CCDC201: variants seen among roughly 807,000 people sequenced by gnomAD.
CCDC201 encodes the protein coiled-coil domain-containing protein 201.
intron 1 of CCDC201, among the ~76,000 whole-genome samples, chr7:45,871,582 C>T (rs561542470): frequency 1.3e-5 from 2 of 152,148 alleles, no homozygotes; most frequent in East Asian, 3.9e-4. Context: ...AGCTAGACTA[C>T]ATATAAACTT....
At chr7:45,874,557 C>T (rs73694857), upstream of CCDC201, among the ~76,000 whole-genome samples, 190 of 152,344 alleles carry the variant, frequency 1.2e-3, 1 homozygote, top group African/African-American at 4.3e-3. Context: ...GTGTACAGCA[C>T]GCAGAGCTGA....
At chr7:45,872,032 A>G (rs756235181) in intron 1 of CCDC201, among the ~76,000 whole-genome samples, 13 of 152,192 alleles carry the variant, frequency 8.5e-5, no homozygotes, top group Non-Finnish European at 1.5e-4. Context: ...GAGTTACTCT[A>G]TAGAAGGATA....
intron 2 of CCDC201, among the ~76,000 whole-genome samples, chr7:45,863,448 C>CAAAAAGTTCCAGGGAAGGGGCAG (rs1786627344): frequency 6.6e-6 from 1 of 152,048 alleles, no homozygotes; most frequent in Non-Finnish European, 1.5e-5. Flanking sequence ...GGGACAGGGA[C>CAAAAAGTTCCAGGGAAGGGGCAG]AAAAAGTTCC....
chr7:45,876,410 C>T (rs953686045), upstream of CCDC201, among the ~76,000 whole-genome samples: 2 of 152,198 alleles, frequency 1.3e-5, no homozygotes, highest in Non-Finnish European at 2.9e-5. Context: ...AGCTATCAGG[C>T]TACTTGCCCA....
chr7:45,877,345 C>T (rs1426555338), upstream of CCDC201, among the ~76,000 whole-genome samples: 3 of 152,168 alleles, frequency 2.0e-5, no homozygotes, highest in African/African-American at 7.2e-5. Flanking sequence ...TTTCTTTTGA[C>T]CCCAGGATGT....
the CCDC201 span, among the ~76,000 whole-genome samples, chr7:45,881,313 T>A: frequency 6.6e-6 from 1 of 152,198 alleles, no homozygotes; most frequent in Non-Finnish European, 1.5e-5. Context: ...TGCCTCTTTG[T>A]TTCTTCCCTC....
exon 2 of CCDC201, chr7:45,866,160 C>T (rs527932108): frequency 7.1e-5 from 14 of 197,388 alleles, no homozygotes; most frequent in East Asian, 6.6e-4. Context: ...CTGCTGCTGC[C>T]GCTGCCGCTG....
exon 3 of CCDC201, chr7:45,861,190 A>T (rs1238020374): frequency 6.6e-6 from 1 of 152,226 alleles, no homozygotes; most frequent in Non-Finnish European, 1.5e-5. Context: ...AGTTCTCATG[A>T]AAACAGTTTA....
chr7:45,867,907 A>T (rs963718544), intron 1 of CCDC201, among the ~76,000 whole-genome samples: 12 of 152,274 alleles, frequency 7.9e-5, no homozygotes, highest in Admixed American at 5.2e-4. Context: ...AGTTTCTCTT[A>T]GAACAAAGAG....
chr7:45,861,905 A>C (rs1307832833), exon 3 of CCDC201: 1 of 152,212 alleles, frequency 6.6e-6, no homozygotes, highest in Non-Finnish European at 1.5e-5. Flanking sequence ...TATATGAATA[A>C]ACTCTAGCTC....
At chr7:45,878,282 A>G in the CCDC201 span, among the ~76,000 whole-genome samples, 1 of 152,208 alleles carries the variant, frequency 6.6e-6, no homozygotes, top group African/African-American at 2.4e-5. Flanking sequence ...AGTCTGGAGA[A>G]TGGTGACCCT....
At chr7:45,881,948 C>T in the CCDC201 span, among the ~76,000 whole-genome samples, 1 of 152,114 alleles carries the variant, frequency 6.6e-6, no homozygotes, top group Non-Finnish European at 1.5e-5. Flanking sequence ...ATCAGTTTGC[C>T]AAGCAGTGTC....
At chr7:45,881,108 A>G in the CCDC201 span, among the ~76,000 whole-genome samples, 2 of 152,190 alleles carry the variant, frequency 1.3e-5, no homozygotes, top group Non-Finnish European at 2.9e-5. Flanking sequence ...CCTGAAGCCC[A>G]TGCATGGTCC....
At chr7:45,868,635 T>C (rs377243794) in intron 1 of CCDC201, among the ~76,000 whole-genome samples, 94 of 152,186 alleles carry the variant, frequency 6.2e-4, no homozygotes, top group African/African-American at 2.2e-3. Flanking sequence ...GGACAAAGAA[T>C]GGAAAGAGTC....
chr7:45,863,918 G>A (rs1459571967), intron 2 of CCDC201, among the ~76,000 whole-genome samples: 2 of 152,168 alleles, frequency 1.3e-5, no homozygotes, highest in African/African-American at 4.8e-5. Context: ...AGGAGCCACC[G>A]GGAGGCGTCC....
chr7:45,882,938 C>T, the CCDC201 span, among the ~76,000 whole-genome samples: 519 of 152,302 alleles, frequency 3.4e-3, 2 homozygotes, highest in Non-Finnish European at 3.5e-3. Flanking sequence ...ACATTTTTGG[C>T]CCTAGCCTAC....
At chr7:45,882,405 G>A in the CCDC201 span, among the ~76,000 whole-genome samples, 1 of 152,218 alleles carries the variant, frequency 6.6e-6, no homozygotes, top group Non-Finnish European at 1.5e-5. Flanking sequence ...AAAAAACTGA[G>A]GCCAGGGGCT....
the CCDC201 span, among the ~76,000 whole-genome samples, chr7:45,880,741 A>G: frequency 6.6e-6 from 1 of 152,194 alleles, no homozygotes; most frequent in East Asian, 1.9e-4. Context: ...GCCGTGTTGT[A>G]ATTGGCAGGC....
upstream of CCDC201, among the ~76,000 whole-genome samples, chr7:45,875,430 G>A (rs530831151): frequency 1.6e-4 from 21 of 133,480 alleles, no homozygotes; most frequent in African/African-American, 6.1e-4. Flanking sequence ...GGGAGGAGGA[G>A]GCTTCAGTCA....
Sources: allele counts gnomAD v4.1 joint callset (sites outside exome capture counted in the v4.1 genomes callset), GRCh38; gene constraint gnomAD v4.1.1; transcripts MANE v1.5; gene names NCBI Gene and HGNC (gene_info 2026-07-23, HGNC 2026-07-21).